SPECC1: variants seen among roughly 807,000 people sequenced by gnomAD.
SPECC1 encodes sperm antigen with calponin homology and coiled-coil domains 1.
Under a neutral mutation model 104.1 loss-of-function variants are expected in SPECC1, and 62 were observed. That is an observed-to-expected ratio of 0.60 (90% CI 0.49 to 0.74). The LOEUF is 0.74. Ranked by LOEUF, SPECC1 falls within the 30% of genes least tolerant of loss-of-function variation. The pLI is 0.00. For synonymous variants in SPECC1, 513 were observed against 501.6 expected (o/e 1.02, Z -0.30); for missense variants, 1,306 against 1,310.5 (o/e 1.00, Z 0.05).
At chr17:20,084,610 A>G (rs2047106498) in intron 1 of SPECC1, among the ~76,000 whole-genome samples, 1 of 152,176 alleles carries the variant, frequency 6.6e-6, no homozygotes, top group Non-Finnish European at 1.5e-5. Context: ...AAATTTTGAC[A>G]GTATCCCATT....
At chr17:20,284,046 C>T (rs1366033201) in intron 12 of SPECC1, among the ~76,000 whole-genome samples, 1 of 152,110 alleles carries the variant, frequency 6.6e-6, no homozygotes, top group African/African-American at 2.4e-5. Flanking sequence ...CTTTCTTTCC[C>T]CAGGATTATA....
chr17:20,114,248 G>A (rs1460514558), intron 3 of SPECC1, among the ~76,000 whole-genome samples: 1 of 152,124 alleles, frequency 6.6e-6, no homozygotes, highest in Non-Finnish European at 1.5e-5. Context: ...CTGGAGTGCA[G>A]TGGCGCAATC....
chr17:20,116,170 C>G (rs2152530238), intron 3 of SPECC1, among the ~76,000 whole-genome samples: 1 of 152,240 alleles, frequency 6.6e-6, no homozygotes, highest in East Asian at 1.9e-4. Flanking sequence ...TCACGGCAAG[C>G]TCCGCCTCCC....
chr17:20,082,946 G>A (rs756730430), intron 1 of SPECC1, among the ~76,000 whole-genome samples: 1 of 151,186 alleles, frequency 6.6e-6, no homozygotes, highest in Non-Finnish European at 1.5e-5. Flanking sequence ...ACTGGTTGCT[G>A]TGTCCTTTGG....
At chr17:20,052,005 G>A (rs562614087) in intron 1 of SPECC1, among the ~76,000 whole-genome samples, 73 of 152,278 alleles carry the variant, frequency 4.8e-4, no homozygotes, top group South Asian at 1.2e-3. Context: ...CTGACTCATA[G>A]TGGGTTATTA....
chr17:20,175,825 G>A (rs1004781239), intron 3 of SPECC1, among the ~76,000 whole-genome samples: 102 of 152,216 alleles, frequency 6.7e-4, no homozygotes, highest in African/African-American at 2.4e-3. Context: ...GGATGCACAT[G>A]TAGGGTAGGC....
At chr17:20,057,540 CTG>C in intron 1 of SPECC1, 1 of 152,342 alleles carries the variant, frequency 6.6e-6, no homozygotes, top group East Asian at 1.9e-4. Context: ...GTCACTCAGG[CTG>C]TGGCGCAGCA....
intron 12 of SPECC1, among the ~76,000 whole-genome samples, chr17:20,261,801 A>G (rs2040035176): frequency 2.0e-5 from 3 of 152,234 alleles, no homozygotes; most frequent in Admixed American, 2.0e-4. Flanking sequence ...GAAATACACA[A>G]AGATAAAATG....
chr17:20,026,122 C>T (rs1006659773), intron 1 of SPECC1, among the ~76,000 whole-genome samples: 6 of 151,004 alleles, frequency 4.0e-5, no homozygotes, highest in African/African-American at 1.5e-4. Context: ...AAATATTTAT[C>T]AGATATATAT....
chr17:20,280,917 C>T (rs957342560), intron 12 of SPECC1, among the ~76,000 whole-genome samples: 2 of 152,204 alleles, frequency 1.3e-5, no homozygotes, highest in African/African-American at 4.8e-5. Context: ...AATCTAGCCA[C>T]TTCATTTGAG....
chr17:20,101,869 A>G (rs1172963650), intron 2 of SPECC1, among the ~76,000 whole-genome samples: 2 of 152,176 alleles, frequency 1.3e-5, no homozygotes, highest in Non-Finnish European at 2.9e-5. Context: ...TAACGACCAG[A>G]TTATGTTATG....
At chr17:20,084,616 C>G (rs2047106948) in intron 1 of SPECC1, among the ~76,000 whole-genome samples, 1 of 151,936 alleles carries the variant, frequency 6.6e-6, no homozygotes, top group Non-Finnish European at 1.5e-5. Context: ...TGACAGTATC[C>G]CATTAATCAG....
At chr17:20,219,283 T>C (rs1164673998) in intron 4 of SPECC1, among the ~76,000 whole-genome samples, 1 of 152,204 alleles carries the variant, frequency 6.6e-6, no homozygotes, top group African/African-American at 2.4e-5. Flanking sequence ...TGTACAAGGG[T>C]CTGCTTTTCT....
intron 1 of SPECC1, among the ~76,000 whole-genome samples, chr17:20,043,189 G>A (rs1177036945): frequency 6.6e-5 from 10 of 152,230 alleles, no homozygotes; most frequent in Admixed American, 4.6e-4. Context: ...CTGTGTGGGC[G>A]ATGCTGTGTA....
intron 4 of SPECC1, among the ~76,000 whole-genome samples, chr17:20,220,969 A>G (rs752508303): frequency 4.6e-5 from 7 of 151,954 alleles, no homozygotes; most frequent in Non-Finnish European, 1.0e-4. Flanking sequence ...GGTTGATACC[A>G]CATTGCATAT....
In SPECC1 at chr17:20,246,016, A is replaced by C; in HGVS notation, c.2442A>C (p.Pro814=). The C allele has an allele frequency of 4.3e-6, 7 of 1,614,082 alleles. No homozygotes were observed. Among genetic ancestry groups the C allele is most frequent in the Non-Finnish European group, 5.9e-6 (7 of 1,179,992 alleles). Reference sequence around the variant, plus strand: ...TTAGCAGAACATCTCCAACACCCCCAGAGTCGGCAACCACCGTTAAGTCAC... The same window carrying C: ...TTAGCAGAACATCTCCAACACCCCCCGAGTCGGCAACCACCGTTAAGTCAC... ...VCVSRTSPTP[P]ESATTVKSLI... The change falls in exon 8 of 15, where the codon CCA becomes CCC. Residue 814 remains proline, a synonymous_variant. Transcript: ENST00000395527.
intron 1 of SPECC1, among the ~76,000 whole-genome samples, chr17:20,044,446 CTA>C (rs1295926371): frequency 6.6e-6 from 1 of 152,136 alleles, no homozygotes; most frequent in African/African-American, 2.4e-5. Flanking sequence ...GACTCTGCTA[CTA>C]TATAGTTTTA....
chr17:20,265,082 A>G (rs982608221), intron 12 of SPECC1, among the ~76,000 whole-genome samples: 1 of 152,172 alleles, frequency 6.6e-6, no homozygotes, highest in African/African-American at 2.4e-5. Context: ...CAGTGCTGCA[A>G]TGAACATACG....
At chr17:20,107,688 G>A (rs534870285) in intron 2 of SPECC1, among the ~76,000 whole-genome samples, 1 of 151,758 alleles carries the variant, frequency 6.6e-6, no homozygotes, top group South Asian at 2.1e-4. Context: ...AACTCACCTG[G>A]CTAATTTTTG....
Sources: gnomAD v4.1 joint callset for allele counts (sites outside exome capture counted in the v4.1 genomes callset) on GRCh38, gnomAD v4.1.1 for gene constraint, MANE v1.5 for transcripts, NCBI Gene and HGNC (gene_info 2026-07-23, HGNC 2026-07-21) for gene names.